The following NELL1 variants were observed in gnomAD, a reference collection of about 807,000 sequenced individuals.
The protein encoded by NELL1 is protein kinase C-binding protein NELL1.
A neutral mutation model predicts 107.4 loss-of-function variants in NELL1; 76 were observed. The observed-to-expected ratio is 0.71, with a 90% CI of 0.59 to 0.86. The LOEUF is 0.86. Among genes scored for constraint, NELL1 ranks in the 40% least tolerant of loss-of-function variants. The pLI is 0.00. For synonymous variants in NELL1, 353 were observed against 341.2 expected (o/e 1.03, Z -0.38); for missense variants, 1,024 against 1,005.5 (o/e 1.02, Z -0.25).
intron 14 of NELL1, among the ~76,000 whole-genome samples, chr11:21,298,218 T>C (rs1027117548): frequency 8.6e-5 from 13 of 152,014 alleles, no homozygotes; most frequent in Admixed American, 3.9e-4. Context: ...TTGGTTCTAA[T>C]TCTTGTGATT....
chr11:20,684,972 A>G (rs1485322602), intron 2 of NELL1, among the ~76,000 whole-genome samples: 1 of 151,898 alleles, frequency 6.6e-6, no homozygotes. Context: ...GTCCTTGGGT[A>G]ATTTTCTAAC....
intron 15 of NELL1, among the ~76,000 whole-genome samples, chr11:21,469,359 C>T (rs894714381): frequency 6.6e-6 from 1 of 151,942 alleles, no homozygotes; most frequent in African/African-American, 2.4e-5. Context: ...TCTCCACTTG[C>T]AAGAAAAAGT....
chr11:21,257,881 G>A (rs904446487), intron 14 of NELL1, among the ~76,000 whole-genome samples: 4 of 151,954 alleles, frequency 2.6e-5, no homozygotes, highest in African/African-American at 9.7e-5. Context: ...CCTACCCTAA[G>A]TGACAAATGT....
intron 2 of NELL1, among the ~76,000 whole-genome samples, chr11:20,739,985 A>G (rs959011875): frequency 2.0e-5 from 3 of 152,212 alleles, no homozygotes; most frequent in African/African-American, 7.2e-5. Flanking sequence ...CTCAACAAAT[A>G]TTTATTGAGT....
At chr11:20,817,681 T>C (rs1307525606) in intron 3 of NELL1, among the ~76,000 whole-genome samples, 4 of 151,898 alleles carry the variant, frequency 2.6e-5, no homozygotes, top group African/African-American at 9.7e-5. Context: ...TCTGCTTGCT[T>C]TGGGGTTAGT....
intron 15 of NELL1, among the ~76,000 whole-genome samples, chr11:21,405,842 G>T (rs925211117): frequency 1.3e-5 from 2 of 151,840 alleles, no homozygotes; most frequent in African/African-American, 4.8e-5. Flanking sequence ...TTGCAAGCCT[G>T]CCCCTTGCAA....
chr11:20,884,372 A>G (rs542116162), intron 4 of NELL1, among the ~76,000 whole-genome samples: 88 of 152,340 alleles, frequency 5.8e-4, no homozygotes, highest in Non-Finnish European at 8.4e-4. Flanking sequence ...ACCTCTGGAC[A>G]CACCTAGGAA....
chr11:21,061,044 C>G (rs1015294740), intron 12 of NELL1, among the ~76,000 whole-genome samples: 4 of 152,140 alleles, frequency 2.6e-5, no homozygotes, highest in Admixed American at 1.3e-4. Context: ...CCCACCCTTT[C>G]TTTTTTATGC....
At chr11:20,742,388 A>T (rs1183191783) in intron 2 of NELL1, among the ~76,000 whole-genome samples, 4 of 152,056 alleles carry the variant, frequency 2.6e-5, no homozygotes, top group African/African-American at 9.7e-5. Flanking sequence ...TTTCCTCGAG[A>T]CTCAGGGATC....
intron 3 of NELL1, among the ~76,000 whole-genome samples, chr11:20,794,552 A>G (rs1300530879): frequency 6.6e-6 from 1 of 152,124 alleles, no homozygotes; most frequent in Non-Finnish European, 1.5e-5. Flanking sequence ...AAGGGGGCAA[A>G]GGTTTTGGCA....
intron 12 of NELL1, among the ~76,000 whole-genome samples, chr11:21,025,616 A>T (rs1364142195): frequency 6.6e-6 from 1 of 152,172 alleles, no homozygotes; most frequent in East Asian, 1.9e-4. Flanking sequence ...AAAATGTCCC[A>T]GGACTCTCTT....
At chr11:21,175,789 C>A (rs559579811) in intron 13 of NELL1, among the ~76,000 whole-genome samples, 2 of 151,814 alleles carry the variant, frequency 1.3e-5, no homozygotes, top group African/African-American at 4.9e-5. Flanking sequence ...ATTTTGGAGC[C>A]TAATTTTAAA....
At chr11:21,438,951 A>G (rs977477121) in intron 15 of NELL1, among the ~76,000 whole-genome samples, 1 of 151,822 alleles carries the variant, frequency 6.6e-6, no homozygotes, top group Non-Finnish European at 1.5e-5. Flanking sequence ...CTAATATACC[A>G]TAGGCATGTG....
chr11:21,268,248 G>A (rs781555085), intron 14 of NELL1, among the ~76,000 whole-genome samples: 3 of 152,238 alleles, frequency 2.0e-5, no homozygotes, highest in East Asian at 3.9e-4. Flanking sequence ...GGAGGATGGC[G>A]ATAGAGAGGC....
intron 14 of NELL1, among the ~76,000 whole-genome samples, chr11:21,335,573 A>G (rs1389284469): frequency 2.6e-5 from 4 of 152,054 alleles, no homozygotes; most frequent in Non-Finnish European, 5.9e-5. Flanking sequence ...GGAAATTAAA[A>G]CATTCCCTTC....
chr11:20,969,306 C>G (rs1289821676), intron 12 of NELL1, among the ~76,000 whole-genome samples: 1 of 152,096 alleles, frequency 6.6e-6, no homozygotes, highest in African/African-American at 2.4e-5. Flanking sequence ...TCACAGTTTC[C>G]CCTGTGCTGC....
intron 14 of NELL1, among the ~76,000 whole-genome samples, chr11:21,289,283 G>T (rs1055700559): frequency 2.0e-5 from 3 of 152,210 alleles, no homozygotes; most frequent in Admixed American, 6.5e-5. Context: ...CAGAAGGCGG[G>T]TGATTTCTGC....
chr11:21,486,733 C>T (rs1177294009), intron 15 of NELL1, among the ~76,000 whole-genome samples: 3 of 151,962 alleles, frequency 2.0e-5, no homozygotes, highest in Non-Finnish European at 2.9e-5. Context: ...ATATAAAAAA[C>T]AATTCAGGAT....
chr11:20,998,391 A>G (rs1852137938), intron 12 of NELL1, among the ~76,000 whole-genome samples: 2 of 152,194 alleles, frequency 1.3e-5, no homozygotes, highest in Non-Finnish European at 2.9e-5. Context: ...TGTTTTAGCC[A>G]TAGCTGAATT....
Sources: gnomAD v4.1 joint callset for allele counts (sites outside exome capture counted in the v4.1 genomes callset) on GRCh38, gnomAD v4.1.1 for gene constraint, MANE v1.5 for transcripts, NCBI Gene and HGNC (gene_info 2026-07-23, HGNC 2026-07-21) for gene names.